The following ZNF385D variants were observed in gnomAD, a reference collection of about 807,000 sequenced individuals.
The protein encoded by ZNF385D is zinc finger protein 385D.
A neutral mutation model predicts 35.8 loss-of-function variants in ZNF385D; 15 were observed. That is an observed-to-expected ratio of 0.42 (90% confidence interval 0.28 to 0.64). ZNF385D has a LOEUF of 0.64. ZNF385D is among the 30% of genes least tolerant of loss of function. The probability of loss-of-function intolerance (pLI) is 0.23; values close to 1 mark genes in which losing one functional copy is unlikely to be tolerated. For synonymous variants in ZNF385D, 212 were observed against 186.8 expected (o/e 1.13, Z -1.10); for missense variants, 474 against 494.6 (o/e 0.96, Z 0.39).
intron 3 of ZNF385D, among the ~76,000 whole-genome samples, chr3:21,957,956 T>C (rs1426127910): frequency 6.6e-6 from 1 of 152,138 alleles, no homozygotes; most frequent in East Asian, 1.9e-4. Context: ...AAACAGACAG[T>C]ACTTGAAACA....
chr3:21,443,093 G>A, intron 4 of ZNF385D: 1 of 974,816 alleles, frequency 1.0e-6, no homozygotes, highest in South Asian at 4.7e-5. Context: ...TGTAGAAAGT[G>A]CTTTAAACGG....
intron 3 of ZNF385D, among the ~76,000 whole-genome samples, chr3:22,122,206 A>T (rs1312300984): frequency 1.3e-5 from 2 of 152,240 alleles, no homozygotes; most frequent in East Asian, 3.9e-4. Flanking sequence ...GTTTTAGTTA[A>T]TAAGTTTACC....
At chr3:21,883,146 C>T (rs914769208) in intron 3 of ZNF385D, among the ~76,000 whole-genome samples, 1 of 151,900 alleles carries the variant, frequency 6.6e-6, no homozygotes, top group African/African-American at 2.4e-5. Context: ...AGACTATTAT[C>T]TATTTTGTTC....
In ZNF385D at chr3:21,498,631, T is replaced by C. The variant is rs563283938; in HGVS notation, c.439+12230A>G. On this transcript the variant is annotated intron_variant, in intron 4 of 7. Transcript: ENST00000281523. ...TCAACATCACTAATCATTATAGAAATGCAAATCCCAACCACAATGAGATGC... is the reference window on the plus strand; with the variant it reads ...TCAACATCACTAATCATTATAGAAACGCAAATCCCAACCACAATGAGATGC... Among the ~76,000 whole-genome samples, 173 of 152,024 alleles carry C rather than the reference T, an allele frequency of 1.1e-3. 1 individual carries two copies. The highest frequency in any genetic ancestry group is 4.1e-3 in the African/African-American group (170 of 41,468).
intron 3 of ZNF385D, among the ~76,000 whole-genome samples, chr3:21,866,790 A>G (rs1331324423): frequency 6.6e-6 from 1 of 152,180 alleles, no homozygotes; most frequent in Non-Finnish European, 1.5e-5. Flanking sequence ...GCTTTTATCA[A>G]TATATTCTTT....
At chr3:22,036,119 G>A (rs2125492910) in intron 3 of ZNF385D, among the ~76,000 whole-genome samples, 1 of 152,266 alleles carries the variant, frequency 6.6e-6, no homozygotes, top group East Asian at 1.9e-4. Flanking sequence ...ATTCAACGAT[G>A]TACAGTAGTT....
At chr3:21,464,827 C>T (rs777548421) in intron 4 of ZNF385D, among the ~76,000 whole-genome samples, 3 of 151,128 alleles carry the variant, frequency 2.0e-5, no homozygotes, top group Non-Finnish European at 2.9e-5. Context: ...CCAGAAGATG[C>T]GTAGCCTATT....
At chr3:21,855,627 A>G (rs964719545) in intron 3 of ZNF385D, among the ~76,000 whole-genome samples, 4 of 152,040 alleles carry the variant, frequency 2.6e-5, no homozygotes, top group Non-Finnish European at 5.9e-5. Context: ...ATATATACCA[A>G]TATAGACCTG....
At chr3:21,499,213 A>C (rs1706172854) in intron 4 of ZNF385D, among the ~76,000 whole-genome samples, 1 of 152,192 alleles carries the variant, frequency 6.6e-6, no homozygotes, top group Non-Finnish European at 1.5e-5. Context: ...ACAATAGCAA[A>C]GACATGGAAT....
chr3:22,279,294 G>A (rs1701595513), intron 2 of ZNF385D, among the ~76,000 whole-genome samples: 3 of 151,758 alleles, frequency 2.0e-5, no homozygotes, highest in Non-Finnish European at 4.4e-5. Flanking sequence ...AAAGTGAATT[G>A]CATCATTCTT....
chr3:21,899,941 AG>A (rs754346524), intron 3 of ZNF385D, among the ~76,000 whole-genome samples: 1 of 152,146 alleles, frequency 6.6e-6, no homozygotes, highest in Non-Finnish European at 1.5e-5. Flanking sequence ...TCTAAGTAAA[AG>A]ACCAAAAACA....
rs1052768411 is a variant in ZNF385D, at chr3:21,923,721, T to C, written c.325+245096A>G. The stretch of plus-strand genomic sequence containing the variant: ...GTTCTTTGCAGCAACATGGATGCAG[T>C]TGGAGTCCATTATCATAAGGAAGTT... On this transcript the variant is annotated intron_variant, in intron 3 of 5. Coordinates refer to the ZNF385D transcript ENST00000494108. 3.9e-5 allele frequency among the ~76,000 whole-genome samples: 6 copies of C among 152,274 alleles called. No homozygotes were observed. In the East Asian group the frequency reaches 7.7e-4, roughly 20 times the overall value.
intron 3 of ZNF385D, among the ~76,000 whole-genome samples, chr3:22,079,522 A>G (rs951796283): frequency 6.6e-6 from 1 of 152,006 alleles, no homozygotes; most frequent in African/African-American, 2.4e-5. Flanking sequence ...GTAATTACCA[A>G]TTAGTAGATG....
intron 2 of ZNF385D, among the ~76,000 whole-genome samples, chr3:21,633,601 T>C (rs1183842096): frequency 6.6e-6 from 1 of 152,090 alleles, no homozygotes; most frequent in East Asian, 1.9e-4. Context: ...CTCTGAATAT[T>C]AGTTCTGGGC....
chr3:21,591,142 G>A (rs971446437), intron 2 of ZNF385D, among the ~76,000 whole-genome samples: 2 of 152,064 alleles, frequency 1.3e-5, no homozygotes, highest in African/African-American at 2.4e-5. Flanking sequence ...CCTGCAGTGA[G>A]CCAATATCAT....
At chr3:22,333,695 G>T (rs1695038698) in intron 2 of ZNF385D, among the ~76,000 whole-genome samples, 2 of 151,724 alleles carry the variant, frequency 1.3e-5, no homozygotes, top group Non-Finnish European at 2.9e-5. Flanking sequence ...TTCCTCATTG[G>T]AGAATTTTTA....
chr3:21,986,496 C>T (rs1360309513), intron 3 of ZNF385D, among the ~76,000 whole-genome samples: 17 of 128,414 alleles, frequency 1.3e-4, no homozygotes, highest in Admixed American at 7.1e-4. Flanking sequence ...GATTCTTAAT[C>T]CTGAGTTCTA....
intron 3 of ZNF385D, among the ~76,000 whole-genome samples, chr3:21,806,396 G>A (rs907303061): frequency 1.3e-5 from 2 of 151,992 alleles, no homozygotes; most frequent in African/African-American, 2.4e-5. Context: ...TAGTAGAGAC[G>A]GGGTTTCACC....
chr3:21,910,790 T>G (rs1699924800), intron 3 of ZNF385D, among the ~76,000 whole-genome samples: 1 of 151,652 alleles, frequency 6.6e-6, no homozygotes, highest in Non-Finnish European at 1.5e-5. Context: ...ATAAATTCCG[T>G]GAAAATAAAA....
Sources: allele counts gnomAD v4.1 joint callset (sites outside exome capture counted in the v4.1 genomes callset), GRCh38; gene constraint gnomAD v4.1.1; transcripts MANE v1.5; gene names NCBI Gene and HGNC (gene_info 2026-07-23, HGNC 2026-07-21).